The following TBC1D32 variants were observed in gnomAD, a reference collection of about 807,000 sequenced individuals.
TBC1D32 encodes protein broad-minded.
Under a neutral mutation model 170.3 loss-of-function variants are expected in TBC1D32, and 151 were observed. That is an observed-to-expected ratio of 0.89 (90% CI 0.78 to 1.01). The LOEUF is 1.01. TBC1D32 is among the 50% of genes least tolerant of loss of function. The pLI is 0.00. For missense variants in TBC1D32, 1,464 were observed against 1,457.1 expected, an observed-to-expected ratio of 1.00 and a Z score of -0.08; for synonymous variants, 498 against 488.0, an observed-to-expected ratio of 1.02 and a Z score of -0.27.
intron 22 of TBC1D32, among the ~76,000 whole-genome samples, chr6:121,162,212 T>A (rs1294034481): frequency 6.6e-6 from 1 of 152,202 alleles, no homozygotes; most frequent in African/African-American, 2.4e-5. Flanking sequence ...ATCCCATTTG[T>A]CAGTTTTTGT....
intron 15 of TBC1D32, among the ~76,000 whole-genome samples, chr6:121,270,982 C>T (rs1801325864): frequency 6.6e-6 from 1 of 151,960 alleles, no homozygotes; most frequent in South Asian, 2.1e-4. Context: ...AAGGTAATCC[C>T]TCATATAAAC....
intron 21 of TBC1D32, among the ~76,000 whole-genome samples, chr6:121,208,039 A>T (rs944280581): frequency 6.6e-6 from 1 of 151,978 alleles, no homozygotes; most frequent in African/African-American, 2.4e-5. Flanking sequence ...AACATGGAAA[A>T]GTAGAGGAAA....
chr6:121,175,559 T>C (rs907085700), intron 22 of TBC1D32, among the ~76,000 whole-genome samples: 1 of 152,226 alleles, frequency 6.6e-6, no homozygotes, highest in African/African-American at 2.4e-5. Context: ...TGATGTAATT[T>C]ATGACATCAA....
chr6:121,221,791 G>A (rs1176917654), intron 21 of TBC1D32, among the ~76,000 whole-genome samples: 5 of 152,212 alleles, frequency 3.3e-5, no homozygotes, highest in African/African-American at 9.6e-5. Context: ...AGCAAAGATG[G>A]AATCCACTCC....
chr6:121,220,998 T>A (rs2128326001), intron 21 of TBC1D32, among the ~76,000 whole-genome samples: 1 of 77,314 alleles, frequency 1.3e-5, no homozygotes, highest in African/African-American at 2.6e-5. Flanking sequence ...CCGTCTAGGA[T>A]TTTCATAGCT....
chr6:121,269,873 C>A (rs1483437938), intron 15 of TBC1D32, among the ~76,000 whole-genome samples: 2 of 152,084 alleles, frequency 1.3e-5, no homozygotes, highest in Admixed American at 1.3e-4. Flanking sequence ...TAAAGCACTC[C>A]TCAGGAAATG....
At chr6:121,117,819 G>C in intron 26 of TBC1D32, among the ~76,000 whole-genome samples, 1 of 152,046 alleles carries the variant, frequency 6.6e-6, no homozygotes, top group African/African-American at 2.4e-5. Flanking sequence ...AACTTAGCAA[G>C]CAAATTTTAT....
intron 1 of TBC1D32, among the ~76,000 whole-genome samples, chr6:121,325,853 G>A (rs529396297): frequency 6.6e-6 from 1 of 151,168 alleles, no homozygotes; most frequent in Admixed American, 6.6e-5. Flanking sequence ...CAGAATGGGA[G>A]AAAATTTTTG....
At chr6:121,194,875 AAC>A (rs1411685233) in intron 22 of TBC1D32, among the ~76,000 whole-genome samples, 2 of 152,220 alleles carry the variant, frequency 1.3e-5, no homozygotes, top group African/African-American at 4.8e-5. Context: ...AGAAGTAGCA[AAC>A]ACACTGGAAT....
At chr6:121,080,934 A>G (rs1775576668) in intron 31 of TBC1D32, 44 bp from the exon 32 acceptor site, 3 of 1,593,164 alleles carry the variant, frequency 1.9e-6, no homozygotes, top group Non-Finnish European at 2.6e-6. Context: ...TGAGTAAGAC[A>G]CACAATTCCA....
chr6:121,118,194 C>T (rs546039852), intron 26 of TBC1D32, among the ~76,000 whole-genome samples: 91 of 152,138 alleles, frequency 6.0e-4, no homozygotes, highest in Middle Eastern at 3.4e-3. Flanking sequence ...AGAAAACAGA[C>T]ATAGACTTAA....
chr6:121,313,030 G>A (rs761761958), intron 3 of TBC1D32, among the ~76,000 whole-genome samples: 7 of 151,568 alleles, frequency 4.6e-5, no homozygotes, highest in Non-Finnish European at 7.4e-5. Flanking sequence ...CACTTTTCCC[G>A]TAACAAAGCA....
intron 29 of TBC1D32, 91 bp downstream of exon 29, chr6:121,112,414 G>C: frequency 8.6e-7 from 1 of 1,161,258 alleles, no homozygotes; most frequent in Non-Finnish European, 1.2e-6. Context: ...TTATTACAAA[G>C]TCCTTCACAA....
intron 21 of TBC1D32, among the ~76,000 whole-genome samples, chr6:121,220,093 T>C (rs555663355): frequency 6.6e-6 from 1 of 152,262 alleles, no homozygotes; most frequent in Admixed American, 6.5e-5. Context: ...ATTAGTAACC[T>C]TACAAAACCT....
chr6:121,292,090 G>C lies in TBC1D32; in HGVS notation c.1335C>G (p.Gly445=). ...TCAGCTTAATAGGAAATAGTTTTCTGCCTTGTTTATAGATCAATAATCTTC... is the reference window on the plus strand; with the variant it reads ...TCAGCTTAATAGGAAATAGTTTTCTCCCTTGTTTATAGATCAATAATCTTC... The part of the protein sequence containing the change: ...LLGRLLIYKQ[G]RKLFPIKLKN... The change falls in exon 12 of 32, where the codon GGC becomes GGG. Residue 445 remains glycine, a synonymous_variant. Transcript: ENST00000398212. 6.3e-7 allele frequency: 1 copy of C among 1,594,434 alleles called. No homozygotes were observed. The highest frequency in any genetic ancestry group is 8.5e-7 in the Non-Finnish European group (1 of 1,170,508).
intron 21 of TBC1D32, among the ~76,000 whole-genome samples, chr6:121,213,703 C>T (rs544556786): frequency 9.2e-5 from 14 of 152,098 alleles, no homozygotes; most frequent in East Asian, 3.9e-4. Flanking sequence ...AATATCATTA[C>T]GATGGGCATA....
intron 22 of TBC1D32, among the ~76,000 whole-genome samples, chr6:121,178,797 G>C (rs905016157): frequency 6.6e-6 from 1 of 152,190 alleles, no homozygotes; most frequent in Admixed American, 6.5e-5. Context: ...ATAGACAGCT[G>C]TAAGAAAGGA....
chr6:121,298,302 C>A (rs533185193), intron 10 of TBC1D32, among the ~76,000 whole-genome samples: 65 of 152,078 alleles, frequency 4.3e-4, no homozygotes, highest in African/African-American at 1.4e-3. Flanking sequence ...TTTATAATGA[C>A]ATAATTCCAT....
At chr6:121,255,941 A>C in intron 16 of TBC1D32, 143 bp downstream of exon 16, 1 of 711,642 alleles carries the variant, frequency 1.4e-6, no homozygotes, top group South Asian at 2.0e-5. Flanking sequence ...ATTAAGATGC[A>C]TTATGTCCCC....
Sources: allele counts gnomAD v4.1 joint callset (sites outside exome capture counted in the v4.1 genomes callset), GRCh38; gene constraint gnomAD v4.1.1; transcripts MANE v1.5; gene names NCBI Gene and HGNC (gene_info 2026-07-23, HGNC 2026-07-21).